LAMA2: variants seen among roughly 807,000 people sequenced by gnomAD.
LAMA2 encodes laminin subunit alpha 2.
Under a neutral mutation model 364.8 loss-of-function variants are expected in LAMA2, and 269 were observed. The ratio of observed to expected loss-of-function variants is 0.74; its 90% confidence interval spans 0.67 to 0.82. The LOEUF (loss-of-function observed/expected upper bound fraction) is 0.82. LAMA2 is among the 40% of genes least tolerant of loss of function. The probability of loss-of-function intolerance (pLI) is 0.00; values close to 1 mark genes in which losing one functional copy is unlikely to be tolerated. For synonymous variants in LAMA2, 1,379 were observed against 1,370.6 expected, an observed-to-expected ratio of 1.01 and a Z score of -0.14; for missense variants, 3,807 against 3,873.2, an observed-to-expected ratio of 0.98 and a Z score of 0.45.
At chr6:129,510,886 G>A (rs541904977) in intron 62 of LAMA2, among the ~76,000 whole-genome samples, 8 of 152,080 alleles carry the variant, frequency 5.3e-5, no homozygotes, top group South Asian at 2.1e-4. Context: ...ATATTGAAAC[G>A]TTACAGGTTA....
intron 1 of LAMA2, among the ~76,000 whole-genome samples, chr6:128,977,062 T>C (rs1024208274): frequency 2.0e-5 from 3 of 152,174 alleles, no homozygotes; most frequent in African/African-American, 7.2e-5. Context: ...TAATGCCTTA[T>C]CTGGCCTTTT....
At position 129,315,538 on chromosome 6, in the gene LAMA2, C is replaced by A; in HGVS notation, c.3618C>A (p.Thr1206=). 6.2e-7 allele frequency: 1 copy of A among 1,614,188 alleles called. No individual in the cohort carries two copies. Among genetic ancestry groups the A allele is most frequent in the Non-Finnish European group, 8.5e-7 (1 of 1,180,020 alleles). The part of the protein sequence containing the change: ...PLVDEALQHT[T]TKGIVFQHPE... ...TAGATGAGGCTCTGCAGCACACGAC[C>A]ACCAAGGGCATTGTTTTTCAACATC... Residue 1206 remains threonine (T), a synonymous_variant, in exon 25 of 65, where the codon ACC becomes ACA. Transcript: ENST00000421865.
chr6:128,962,139 CATATATATATATATATATATATATAT>C lies in LAMA2; in HGVS notation c.112+78804_112+78829del, dbSNP rs55906092. 2.2e-3 allele frequency among the ~76,000 whole-genome samples: 84 copies of C among 38,102 alleles called. 6 individuals carry two copies. Among genetic ancestry groups the C allele is most frequent in the Middle Eastern group, 0.037 (2 of 54 alleles). 25.0% of individuals were successfully genotyped at this position (38,102 alleles called of 152,430 possible). A position where few individuals can be genotyped will look rare whatever the true frequency, so the allele number is the denominator to read the frequency against. On this transcript the variant is annotated intron_variant, in intron 1 of 64. Coordinates refer to ENST00000421865, the MANE Select transcript of LAMA2 (RefSeq NM_000426.4). Reference sequence around the variant, plus strand: ...TCTTTTCTGATGTCATCCTCTGGACCATATATATATATATATATATATATATATATATATATATATATATATACACA... The same window carrying C: ...TCTTTTCTGATGTCATCCTCTGGACCATATATATATATATATATATACACA...
intron 34 of LAMA2, among the ~76,000 whole-genome samples, chr6:129,370,288 A>C: frequency 6.6e-6 from 1 of 152,352 alleles, no homozygotes; most frequent in Non-Finnish European, 1.5e-5. Context: ...CTGATTTCCA[A>C]AAGCACTATC....
intron 40 of LAMA2, among the ~76,000 whole-genome samples, chr6:129,418,013 C>A (rs1780887193): frequency 6.6e-6 from 1 of 151,868 alleles, no homozygotes; most frequent in African/African-American, 2.4e-5. Flanking sequence ...GTTCCCCCAC[C>A]TTCAACTCGG....
chr6:129,512,548 A>G (rs1786681700), intron 63 of LAMA2, 55 bp downstream of exon 63: 2 of 1,583,450 alleles, frequency 1.3e-6, no homozygotes, highest in Non-Finnish European at 8.7e-7. Context: ...GTTGATGTGT[A>G]GATATCATCC....
At chr6:128,977,468 G>A (rs548967557) in intron 1 of LAMA2, among the ~76,000 whole-genome samples, 1 of 151,904 alleles carries the variant, frequency 6.6e-6, no homozygotes, top group Admixed American at 6.6e-5. Context: ...TCACTATGTT[G>A]CCCAGGCTGC....
At chr6:128,885,732 T>A (rs1331423291) in intron 1 of LAMA2, among the ~76,000 whole-genome samples, 9 of 152,228 alleles carry the variant, frequency 5.9e-5, no homozygotes, top group Non-Finnish European at 2.9e-5. Flanking sequence ...TCAACCATTT[T>A]TAGATGTTGC....
At chr6:129,037,666 ATTTT>A (rs375410908) in intron 1 of LAMA2, among the ~76,000 whole-genome samples, 1 of 140,764 alleles carries the variant, frequency 7.1e-6, no homozygotes, top group Non-Finnish European at 1.5e-5. Flanking sequence ...ATTTAATTTA[ATTTT>A]TTTTTTTTTT....
chr6:128,987,824 C>G (rs142898312), intron 1 of LAMA2, among the ~76,000 whole-genome samples: 299 of 152,256 alleles, frequency 2.0e-3, no homozygotes, highest in African/African-American at 6.9e-3. Context: ...GAGATGACAT[C>G]CATGAAACAT....
intron 1 of LAMA2, among the ~76,000 whole-genome samples, chr6:128,955,155 C>A (rs771973792): frequency 4.6e-5 from 7 of 151,758 alleles, no homozygotes; most frequent in Non-Finnish European, 8.8e-5. Flanking sequence ...AGTGATAAAT[C>A]TTCAGTTTGT....
chr6:129,482,584 C>T (rs1200377887), intron 55 of LAMA2, among the ~76,000 whole-genome samples: 1 of 152,026 alleles, frequency 6.6e-6, no homozygotes, highest in Non-Finnish European at 1.5e-5. Context: ...TTTGTGATTA[C>T]GTGTTTTAAA....
At chr6:129,260,481 C>G (rs543089812) in intron 14 of LAMA2, among the ~76,000 whole-genome samples, 1 of 152,130 alleles carries the variant, frequency 6.6e-6, no homozygotes, top group South Asian at 2.1e-4. Context: ...GAAGAACATT[C>G]TCATATCTTT....
intron 40 of LAMA2, among the ~76,000 whole-genome samples, chr6:129,413,229 A>C (rs1374119659): frequency 6.6e-6 from 1 of 152,172 alleles, no homozygotes; most frequent in Non-Finnish European, 1.5e-5. Context: ...ATCATGATAG[A>C]ATAAAAGGAA....
chr6:129,349,397 A>G lies in LAMA2; in HGVS notation c.4523+13A>G, dbSNP rs762851183. 1.9e-6 allele frequency: 3 copies of G among 1,595,404 alleles called. No individual in the cohort carries two copies. In the Admixed American group the frequency reaches 5.0e-5, roughly 27 times the overall value. On this transcript the variant is annotated intron_variant, in intron 31 of 64. Coordinates refer to ENST00000421865, the MANE Select transcript of LAMA2 (RefSeq NM_000426.4). ...AGTACTGTGAAAGGTACCAACAGCC[A>G]TGAAACGTACAGAGTAATGATATGT...
chr6:129,152,226 TA>T (rs1778852038), intron 7 of LAMA2, among the ~76,000 whole-genome samples: 1 of 152,198 alleles, frequency 6.6e-6, no homozygotes, highest in Non-Finnish European at 1.5e-5. Flanking sequence ...AATGACATAT[TA>T]TTTTTCACCT....
chr6:128,889,425 A>C lies in LAMA2; in HGVS notation c.112+6068A>C, dbSNP rs142172649. Among the ~76,000 whole-genome samples the C allele has an allele frequency of 7.9e-3, 1,204 of 152,290 alleles. 17 individuals are homozygous for C. The highest frequency in any genetic ancestry group is 0.031 in the Middle Eastern group (9 of 294). On this transcript the variant is annotated intron_variant, in intron 1 of 64. Transcript: ENST00000421865. ...TTCCATTTTTGTTACTGTTTTAAGA[A>C]TCACTTGTAAGCTTTAACAATAACG...
intron 4 of LAMA2, among the ~76,000 whole-genome samples, chr6:129,118,024 C>A (rs1776576194): frequency 6.6e-6 from 1 of 152,106 alleles, no homozygotes; most frequent in South Asian, 2.1e-4. Context: ...CATGAACCAT[C>A]ATAAGAGGAG....
intron 40 of LAMA2, among the ~76,000 whole-genome samples, chr6:129,408,734 A>G (rs1354282892): frequency 1.3e-5 from 2 of 152,064 alleles, no homozygotes; most frequent in Non-Finnish European, 1.5e-5. Flanking sequence ...GGCTATAGTC[A>G]GGTCAGTCCA....
Sources: gnomAD v4.1 joint callset for allele counts (sites outside exome capture counted in the v4.1 genomes callset) on GRCh38, gnomAD v4.1.1 for gene constraint, MANE v1.5 for transcripts, NCBI Gene and HGNC (gene_info 2026-07-23, HGNC 2026-07-21) for gene names.